OR5H1: variants seen among roughly 807,000 people sequenced by gnomAD.
OR5H1 encodes the protein olfactory receptor family 5 subfamily H member 1.
For missense variants in OR5H1, 378 were observed against 366.8 expected (o/e 1.03, Z -0.25); for synonymous variants, 124 against 134.4 (o/e 0.92, Z 0.54).
intron 1 of OR5H1, among the ~76,000 whole-genome samples, chr3:98,131,219 A>G (rs1708252121): frequency 6.6e-6 from 1 of 152,030 alleles, no homozygotes; most frequent in African/African-American, 2.4e-5. Flanking sequence ...ACATTCTCCA[A>G]TTAAAACTTT....
At position 98,132,683 on chromosome 3, in the gene OR5H1, G is replaced by A. The variant is rs374674910; in HGVS notation, c.-15G>A. The stretch of plus-strand genomic sequence containing the variant: ...CATTTGTTGCATTTTATTTTAGAGG[G>A]CATGCTGTGAGGACATGGAAGAGGA... On this transcript the variant is annotated 5_prime_UTR_variant, in exon 2 of 2. Transcript: ENST00000641874. 1.9e-5 allele frequency: 30 copies of A among 1,612,116 alleles called. 1 individual carries two copies. Among genetic ancestry groups the A allele is most frequent in the African/African-American group, 9.4e-5 (7 of 74,798 alleles).
rs72926099 is a variant in OR5H1 at position 98,137,754 on chromosome 3, T to A, written c.*4115T>A. On this transcript the variant is annotated 3_prime_UTR_variant, in exon 2 of 2. Transcript: ENST00000641874. The stretch of plus-strand genomic sequence containing the variant: ...TATTCAATGACTATTGATAATTTAA[T>A]CAACTGTGTGAAACTCTAAGGGTTT... 6.6e-6 allele frequency: 1 copy of A among 152,202 alleles called. No individual in the cohort carries two copies. The highest frequency in any genetic ancestry group is 1.5e-5 in the Non-Finnish European group (1 of 68,030). The allele number at this position is 152,202 out of a possible 1,614,324, so 9.4% of individuals were successfully genotyped here.
At position 98,133,547 on chromosome 3, in the gene OR5H1, T is replaced by G; in HGVS notation, c.850T>G (p.Leu284Val). Residue 284 changes from leucine (L) to valine (V), a missense_variant, in exon 2 of 2, where the codon TTG becomes GTG. Coordinates refer to ENST00000641874, the MANE Select transcript of OR5H1 (RefSeq NM_001005338.2). Reference protein sequence around the residue: ...EPLFYTVIIPLLNPIIYSLRN... With the variant: ...EPLFYTVIIPVLNPIIYSLRN... ...TCTATTCTACACTGTCATCATTCCTTTGTTAAATCCTATCATCTACAGTCT... is the reference window on the plus strand; with the variant it reads ...TCTATTCTACACTGTCATCATTCCTGTGTTAAATCCTATCATCTACAGTCT... 1 of 1,613,456 alleles carries G rather than the reference T, an allele frequency of 6.2e-7. No individual in the cohort carries two copies. The highest frequency in any genetic ancestry group is 8.5e-7 in the Non-Finnish European group (1 of 1,179,520).
Position 98,136,724 on chromosome 3 carries a change from A to G in OR5H1, c.*3085A>G, listed in dbSNP as rs1044216739. 2.6e-5 allele frequency: 4 copies of G among 152,122 alleles called. No individual in the cohort carries two copies. The highest frequency in any genetic ancestry group is 9.7e-5 in the African/African-American group (4 of 41,428). 9.4% of individuals were successfully genotyped at this position (152,122 alleles called of 1,614,324 possible). The stretch of plus-strand genomic sequence containing the variant: ...GCATGTTCTTACTGTCTTAGTTCCC[A>G]TGAGGGCTGGTTGATAAAAGAGCCC... On this transcript the variant is annotated 3_prime_UTR_variant, in exon 2 of 2. Transcript: ENST00000641874.
chr3:98,133,715 A>G lies in OR5H1; in HGVS notation c.*76A>G. 8.0e-7 allele frequency: 1 copy of G among 1,251,806 alleles called. No individual in the cohort carries two copies. The highest frequency in any genetic ancestry group is 1.3e-5 in the South Asian group (1 of 77,334). 77.5% of individuals were successfully genotyped at this position (1,251,806 alleles called of 1,614,324 possible). On this transcript the variant is annotated 3_prime_UTR_variant, in exon 2 of 2. Transcript: ENST00000641874. ...TACCTATGTTGTTTCCAGTGTTCAA[A>G]CATTTTTGCAAGTACAACTGTTCTA... is the stretch of plus-strand genomic sequence containing the variant.
chr3:98,135,224 T>C lies in OR5H1; in HGVS notation c.*1585T>C, dbSNP rs920012102. The C allele has an allele frequency of 1.3e-5, 2 of 152,078 alleles. No individual in the cohort carries two copies. Among genetic ancestry groups the C allele is most frequent in the Non-Finnish European group, 1.5e-5 (1 of 67,998 alleles). The allele number at this position is 152,078 out of a possible 1,614,324, so 9.4% of individuals were successfully genotyped here. ...GAAAGTATGGCAAAAGTAAAGATTG[T>C]ATTGGTTAAAGTGGAGCAGTAGTGT... On this transcript the variant is annotated 3_prime_UTR_variant, in exon 2 of 2. Coordinates refer to ENST00000641874, the MANE Select transcript of OR5H1 (RefSeq NM_001005338.2).
At position 98,135,937 on chromosome 3, in the gene OR5H1, T is replaced by C. The variant is rs534823267; in HGVS notation, c.*2298T>C. 1 of 152,224 alleles carries C rather than the reference T, an allele frequency of 6.6e-6. No individual in the cohort carries two copies. The highest frequency in any genetic ancestry group is 1.5e-5 in the Non-Finnish European group (1 of 68,036). 9.4% of individuals were successfully genotyped at this position (152,224 alleles called of 1,614,324 possible). On this transcript the variant is annotated 3_prime_UTR_variant, in exon 2 of 2. Coordinates refer to ENST00000641874, the MANE Select transcript of OR5H1 (RefSeq NM_001005338.2). Reference sequence around the variant, plus strand: ...ATTTTTCTGTTTTTTAGTCTGAATGTCTTTTGTCATGTCATTGAATGTTTG... The same window carrying C: ...ATTTTTCTGTTTTTTAGTCTGAATGCCTTTTGTCATGTCATTGAATGTTTG...
At position 98,138,059 on chromosome 3, in the gene OR5H1, G is replaced by A. The variant is rs932311227; in HGVS notation, c.*4420G>A. ...CTCAGACACCGAGATAGTGAAGGGAGTGGCTTTAATCAGATGGGAGCATCG... is the reference window on the plus strand; with the variant it reads ...CTCAGACACCGAGATAGTGAAGGGAATGGCTTTAATCAGATGGGAGCATCG... On this transcript the variant is annotated 3_prime_UTR_variant, in exon 2 of 2. Transcript: ENST00000641874. The A allele has an allele frequency of 1.3e-5, 2 of 152,022 alleles. No homozygotes were observed. The highest frequency in any genetic ancestry group is 2.9e-5 in the Non-Finnish European group (2 of 68,014). 9.4% of individuals were successfully genotyped at this position (152,022 alleles called of 1,614,324 possible). A position where few individuals can be genotyped will look rare whatever the true frequency, so the allele number is the denominator to read the frequency against.
Position 98,137,156 on chromosome 3 carries a change from CA to C in OR5H1, c.*3519del. On this transcript the variant is annotated 3_prime_UTR_variant, in exon 2 of 2. Coordinates refer to ENST00000641874, the MANE Select transcript of OR5H1 (RefSeq NM_001005338.2). ...TAAAATTTTGCAAATACCTATATTG[CA>C]ATCAAAATAAAAATGCTCAATGATG... is the stretch of plus-strand genomic sequence containing the variant. 1.3e-5 allele frequency: 2 copies of C among 152,142 alleles called. No homozygotes were observed. The highest frequency in any genetic ancestry group is 3.4e-3 in the Middle Eastern group (1 of 294). 9.4% of individuals were successfully genotyped at this position (152,142 alleles called of 1,614,324 possible). A position where few individuals can be genotyped will look rare whatever the true frequency, so the allele number is the denominator to read the frequency against.
At chr3:98,132,138 T>C (rs889661109) in intron 1 of OR5H1, among the ~76,000 whole-genome samples, 2 of 152,040 alleles carry the variant, frequency 1.3e-5, no homozygotes, top group Non-Finnish European at 2.9e-5. Context: ...GTAATGTGAT[T>C]TGGGATTGCC....
chr3:98,135,127 C>T lies in OR5H1; in HGVS notation c.*1488C>T, dbSNP rs994465870. The T allele has an allele frequency of 1.3e-5, 2 of 152,050 alleles. No homozygotes were observed. The highest frequency in any genetic ancestry group is 2.9e-5 in the Non-Finnish European group (2 of 68,006). The allele number at this position is 152,050 out of a possible 1,614,324, so 9.4% of individuals were successfully genotyped here. A position where few individuals can be genotyped will look rare whatever the true frequency, so the allele number is the denominator to read the frequency against. ...AGGAGACTCGATTTATTTTGCAACA[C>T]CAGATTGCATGTGGTATGGGGATTT... On this transcript the variant is annotated 3_prime_UTR_variant, in exon 2 of 2. Transcript: ENST00000641874.
chr3:98,130,859 G>T lies in OR5H1; in HGVS notation c.-19+9G>T, dbSNP rs571860368. The T allele has an allele frequency of 1.6e-3, 246 of 152,214 alleles. No homozygotes were observed. Among genetic ancestry groups the T allele is most frequent in the African/African-American group, 5.6e-3 (233 of 41,570 alleles). The allele number at this position is 152,214 out of a possible 1,614,324, so 9.4% of individuals were successfully genotyped here. On this transcript the variant is annotated intron_variant, in intron 1 of 1. Transcript: ENST00000641874. ...TTTCCTTCAATATATGGGTAAGGAA[G>T]AAATAACTTCTCTAATTTTTATTAT...
Position 98,133,345 on chromosome 3 carries a change from A to T in OR5H1, c.648A>T (p.Val216=), listed in dbSNP as rs745848413. Reference sequence around the variant, plus strand: ...TATTCAGCATTGTGACTATTCTTGTATCTTATACATTTGTTCTCTTCGCAA... The same window carrying T: ...TATTCAGCATTGTGACTATTCTTGTTTCTTATACATTTGTTCTCTTCGCAA... ...IQVFSIVTIL[V]SYTFVLFAIL... The change falls in exon 2 of 2, where the codon GTA becomes GTT. Residue 216 remains valine, a synonymous_variant. Coordinates refer to ENST00000641874, the MANE Select transcript of OR5H1 (RefSeq NM_001005338.2). 9.3e-6 allele frequency: 15 copies of T among 1,613,272 alleles called. No individual in the cohort carries two copies. Among genetic ancestry groups the T allele is most frequent in the Non-Finnish European group, 1.2e-5 (14 of 1,179,682 alleles).
In OR5H1 at chr3:98,133,246, A is replaced by G. The variant is rs1429198584; in HGVS notation, c.549A>G (p.Pro183=). The change falls in exon 2 of 2, where the codon CCA becomes CCG. Residue 183 remains proline, a synonymous_variant. Coordinates refer to ENST00000641874, the MANE Select transcript of OR5H1 (RefSeq NM_001005338.2). ...ATCACATTTACTGTGACACTATCCC[A>G]TTGTCTAAGATTTCTTGTACTGATT... ...IVHHIYCDTI[P]LSKISCTDSS... The G allele has an allele frequency of 9.3e-6, 15 of 1,611,608 alleles. No individual in the cohort carries two copies. In the South Asian group the frequency reaches 1.4e-4, roughly 15 times the overall value.
chr3:98,132,543 GATTC>G, intron 1 of OR5H1, 133 bp from the exon 2 acceptor site: 2 of 909,572 alleles, frequency 2.2e-6, no homozygotes. Flanking sequence ...AACAAATAGA[GATTC>G]ATCAGCTATA....
chr3:98,132,290 T>C (rs778789279), intron 1 of OR5H1, among the ~76,000 whole-genome samples: 1 of 152,058 alleles, frequency 6.6e-6, no homozygotes, highest in Non-Finnish European at 1.5e-5. Context: ...ACATGCTTAT[T>C]GTATGAAGAA....
chr3:98,133,790 G>A lies in OR5H1; in HGVS notation c.*151G>A, dbSNP rs1000260541. On this transcript the variant is annotated 3_prime_UTR_variant, in exon 2 of 2. Coordinates refer to ENST00000641874, the MANE Select transcript of OR5H1 (RefSeq NM_001005338.2). ...GTACCTAATAAACTAATCGCAATAT[G>A]TCTATATGTTATTCAAAAGCATTCA... is the stretch of plus-strand genomic sequence containing the variant. 9 of 608,072 alleles carry A rather than the reference G, an allele frequency of 1.5e-5. No individual in the cohort carries two copies. The highest frequency in any genetic ancestry group is 2.6e-5 in the Non-Finnish European group (9 of 348,880). The allele number at this position is 608,072 out of a possible 1,614,324, so 37.7% of individuals were successfully genotyped here.
In OR5H1 at chr3:98,134,365, T is replaced by C. The variant is rs1390726112; in HGVS notation, c.*726T>C. 3 of 152,072 alleles carry C rather than the reference T, an allele frequency of 2.0e-5. No individual in the cohort carries two copies. The highest frequency in any genetic ancestry group is 7.2e-5 in the African/African-American group (3 of 41,508). 9.4% of individuals were successfully genotyped at this position (152,072 alleles called of 1,614,324 possible). A position where few individuals can be genotyped will look rare whatever the true frequency, so the allele number is the denominator to read the frequency against. On this transcript the variant is annotated 3_prime_UTR_variant, in exon 2 of 2. Coordinates refer to ENST00000641874, the MANE Select transcript of OR5H1 (RefSeq NM_001005338.2). The stretch of plus-strand genomic sequence containing the variant: ...TTCCCTAATTCAGGAAATTAAAAGA[T>C]TAAATAGAATAACTGCATTTGGAGT...
In OR5H1 at chr3:98,137,490, C is replaced by T. The variant is rs1006576196; in HGVS notation, c.*3851C>T. On this transcript the variant is annotated 3_prime_UTR_variant, in exon 2 of 2. Transcript: ENST00000641874. The stretch of plus-strand genomic sequence containing the variant: ...GGGATAGAAGCGATTGACAAATATA[C>T]ATCACACCGGCATTTTACAGATTGG... The T allele has an allele frequency of 2.0e-5, 3 of 152,134 alleles. No individual in the cohort carries two copies. The highest frequency in any genetic ancestry group is 1.5e-5 in the Non-Finnish European group (1 of 68,018). 9.4% of individuals were successfully genotyped at this position (152,134 alleles called of 1,614,324 possible).
Sources: gnomAD v4.1 joint callset for allele counts (sites outside exome capture counted in the v4.1 genomes callset) on GRCh38, gnomAD v4.1.1 for gene constraint, MANE v1.5 for transcripts, NCBI Gene and HGNC (gene_info 2026-07-23, HGNC 2026-07-21) for gene names.